The following MSI2 variants were observed in gnomAD, a reference collection of about 807,000 sequenced individuals.
MSI2 encodes the protein musashi RNA binding protein 2, also known as RNA-binding protein Musashi homolog 2.
A neutral mutation model predicts 45.6 loss-of-function variants in MSI2; 17 were observed. That is an observed-to-expected ratio of 0.37 (90% CI 0.26 to 0.56). The LOEUF is 0.56. Among genes scored for constraint, MSI2 ranks in the 20% least tolerant of loss-of-function variants. The pLI is 0.77. For synonymous variants in MSI2, 156 were observed against 158.2 expected (o/e 0.99, Z 0.11); for missense variants, 293 against 444.2 (o/e 0.66, Z 3.06).
chr17:57,467,778 T>C (rs2085355352), intron 6 of MSI2, among the ~76,000 whole-genome samples: 1 of 152,064 alleles, frequency 6.6e-6, no homozygotes, highest in Non-Finnish European at 1.5e-5. Flanking sequence ...CTGTACTGAC[T>C]GACCCTCCAG....
At position 57,596,939 on chromosome 17, in the gene MSI2, A is replaced by G. The variant is rs758054855; in HGVS notation, c.526A>G (p.Asn176Asp). The G allele has an allele frequency of 1.2e-5, 19 of 1,610,808 alleles. No homozygotes were observed. Among genetic ancestry groups the G allele is most frequent in the Non-Finnish European group, 1.4e-5 (17 of 1,176,988 alleles). Residue 176 changes from asparagine to aspartate, a missense_variant, in exon 8 of 14, where the codon AAT becomes GAT. Asn to Asp is a conservative substitution (Grantham distance 23). Transcript: ENST00000284073. The surrounding 1 kb of genome is among the most constrained non-coding windows in gnomAD (Gnocchi z 4.6). ...KVCEIHFHEI[N>D]NKMVECKKAQ... ...CTGTGAGATTCATTTCCATGAAATC[A>G]ATAATAAAATGGTAAGTGTGTAGGG...
In MSI2 at chr17:57,578,041, G is replaced by A. The variant is rs375637375; in HGVS notation, c.455-18827G>A. Among the ~76,000 whole-genome samples, 35 of 152,296 alleles carry A rather than the reference G, an allele frequency of 2.3e-4. No homozygotes were observed. The East Asian group carries it at 5.0e-3, about 22-fold the overall frequency. On this transcript the variant is annotated intron_variant, in intron 7 of 13. Coordinates refer to ENST00000284073, the MANE Select transcript of MSI2 (RefSeq NM_138962.4). ...CCCTTGTTGAGAAATCCCATTATCCGGGAGAATGATTGTGAAACTCCAATC... is the reference window on the plus strand; with the variant it reads ...CCCTTGTTGAGAAATCCCATTATCCAGGAGAATGATTGTGAAACTCCAATC...
At chr17:57,675,277 C>T in intron 12 of MSI2, 151 bp downstream of exon 12, 1 of 771,614 alleles carries the variant, frequency 1.3e-6, no homozygotes, top group Non-Finnish European at 2.1e-6. Flanking sequence ...GGGCTGAAGC[C>T]TCCGTCGTCT....
intron 5 of MSI2, among the ~76,000 whole-genome samples, chr17:57,288,992 A>G (rs1910158488): frequency 6.6e-6 from 1 of 152,174 alleles, no homozygotes; most frequent in South Asian, 2.1e-4. Flanking sequence ...CCCTTAGATG[A>G]GAGTCATTGG....
At chr17:57,323,990 T>C (rs1021925110) in intron 5 of MSI2, among the ~76,000 whole-genome samples, 5 of 152,098 alleles carry the variant, frequency 3.3e-5, no homozygotes, top group African/African-American at 1.2e-4. Context: ...GAAGACTAGG[T>C]TGTCCCTGTC....
chr17:57,413,271 G>A (rs2084231035), intron 6 of MSI2, among the ~76,000 whole-genome samples: 1 of 152,170 alleles, frequency 6.6e-6, no homozygotes, highest in Non-Finnish European at 1.5e-5. Flanking sequence ...TGGCAATGAT[G>A]CAAACTAAAA....
intron 6 of MSI2, among the ~76,000 whole-genome samples, chr17:57,513,126 A>G (rs764463510): frequency 7.9e-5 from 12 of 151,766 alleles, no homozygotes; most frequent in Non-Finnish European, 1.6e-4. Context: ...GGTGCCCGCC[A>G]CCACTGCTGG....
chr17:57,318,799 AAAG>A (rs1263773324), intron 5 of MSI2, among the ~76,000 whole-genome samples: 3 of 152,196 alleles, frequency 2.0e-5, no homozygotes, highest in Non-Finnish European at 4.4e-5. Context: ...TGTTAAGTGC[AAAG>A]AAGATGCCTC....
chr17:57,361,144 C>T (rs1916784668), intron 5 of MSI2, among the ~76,000 whole-genome samples: 3 of 152,152 alleles, frequency 2.0e-5, no homozygotes, highest in Admixed American at 2.0e-4. Flanking sequence ...CCCCCCTGCA[C>T]AGTTGAAAAT....
chr17:57,377,244 G>T (rs1031524473), intron 5 of MSI2, among the ~76,000 whole-genome samples: 1 of 152,122 alleles, frequency 6.6e-6, no homozygotes, highest in African/African-American at 2.4e-5. Flanking sequence ...TAACCTACTT[G>T]GGATAGTCAG....
At chr17:57,588,007 A>G (rs1237635468) in intron 7 of MSI2, among the ~76,000 whole-genome samples, 1 of 152,150 alleles carries the variant, frequency 6.6e-6, no homozygotes, top group Non-Finnish European at 1.5e-5. Flanking sequence ...AGGATGCCAC[A>G]GTGGAGGGGC....
In MSI2 at chr17:57,295,482, GATT is replaced by G. The variant is rs142519824; in HGVS notation, c.312+33306_312+33308del. ...GCAAAAAGTTGGTCAGTTTTTGGGG[GATT>G]ATTATTATTATTATTTTTTATACAG... On this transcript the variant is annotated intron_variant, in intron 5 of 13. Transcript: ENST00000284073. Among the ~76,000 whole-genome samples the G allele has an allele frequency of 3.5e-4, 53 of 152,158 alleles. No individual in the cohort carries two copies. In the East Asian group the frequency reaches 9.6e-3, roughly 28 times the overall value.
At position 57,682,776 on chromosome 17, in the gene MSI2, G is replaced by A. The variant is rs572288694; in HGVS notation, c.*3259G>A. On this transcript the variant is annotated 3_prime_UTR_variant, in exon 14 of 14. Coordinates refer to ENST00000284073, the MANE Select transcript of MSI2 (RefSeq NM_138962.4). The stretch of plus-strand genomic sequence containing the variant: ...CCCTCTTGGCTGATGGCTTTTCCCC[G>A]GAATTATCAAACAGCCACCGGGTGA... 7.2e-5 allele frequency: 16 copies of A among 223,112 alleles called. 1 individual carries two copies. Among genetic ancestry groups the A allele is most frequent in the Admixed American group, 6.3e-4 (11 of 17,422 alleles). The allele number at this position is 223,112 out of a possible 1,614,324, so 13.8% of individuals were successfully genotyped here.
chr17:57,609,626 A>G (rs766318452), intron 8 of MSI2, among the ~76,000 whole-genome samples: 8 of 152,264 alleles, frequency 5.3e-5, no homozygotes, highest in African/African-American at 9.6e-5. Flanking sequence ...AGACCAGGGA[A>G]AAACAAAAGC....
In MSI2 at chr17:57,616,072, A is replaced by C. The variant is rs1049830530; in HGVS notation, c.640A>C (p.Met214Leu). 3.1e-6 allele frequency: 5 copies of C among 1,613,744 alleles called. No individual in the cohort carries two copies. ...PYTMDAFMLG[M>L]GMLGYPNFVA... ...CACCATGGACGCGTTCATGCTTGGC[A>C]TGGGGATGCTGGGTGAGTCTGGACA... Residue 214 changes from methionine to leucine, a missense_variant, in exon 9 of 14, where the codon ATG becomes CTG. Coordinates refer to ENST00000284073, the MANE Select transcript of MSI2 (RefSeq NM_138962.4).
chr17:57,376,646 C>T (rs144531007), intron 5 of MSI2, among the ~76,000 whole-genome samples: 8 of 152,290 alleles, frequency 5.3e-5, no homozygotes, highest in Non-Finnish European at 8.8e-5. Context: ...TGAGGCCCAC[C>T]GTTGTCTTCC....
At chr17:57,619,671 C>T (rs923406927) in intron 9 of MSI2, among the ~76,000 whole-genome samples, 6 of 152,110 alleles carry the variant, frequency 3.9e-5, no homozygotes, top group Non-Finnish European at 8.8e-5. Context: ...GTGGGCAGAC[C>T]CGAGTGGCCC....
rs1435326591 is a variant in MSI2 at position 57,610,477 on chromosome 17, AG to A, written c.538-5490del. Among the ~76,000 whole-genome samples, 2 of 98,274 alleles carry A rather than the reference AG, an allele frequency of 2.0e-5. 1 individual carries two copies. Among genetic ancestry groups the A allele is most frequent in the Admixed American group, 2.0e-4 (2 of 9,962 alleles). 64.5% of individuals were successfully genotyped at this position (98,274 alleles called of 152,430 possible). A position where few individuals can be genotyped will look rare whatever the true frequency, so the allele number is the denominator to read the frequency against. ...AAAAAAAAAAAAATTCTACATATAG[AG>A]GGCTCAGGAGTGTGTGCAAATGATA... On this transcript the variant is annotated intron_variant, in intron 8 of 13. Transcript: ENST00000284073.
At chr17:57,700,783 T>A in the MSI2 span, among the ~76,000 whole-genome samples, 1 of 151,976 alleles carries the variant, frequency 6.6e-6, no homozygotes, top group Admixed American at 6.6e-5. Flanking sequence ...CTGCCTGTAA[T>A]CCCAGCTACT....
Sources: gnomAD v4.1 joint callset for allele counts (sites outside exome capture counted in the v4.1 genomes callset) on GRCh38, gnomAD v4.1.1 for gene constraint, Gnocchi (gnomAD v3.1) non-coding constraint, MANE v1.5 for transcripts, NCBI Gene and HGNC (gene_info 2026-07-23, HGNC 2026-07-21) for gene names.